ANXA4: variants seen among roughly 807,000 people sequenced by gnomAD.
ANXA4 encodes 35-beta calcimedin.
ANXA4 carries 39 observed loss-of-function variants against 49.8 expected under a neutral mutation model. That is an observed-to-expected ratio of 0.78 (90% CI 0.61 to 1.02). ANXA4 has a LOEUF of 1.02. Among genes scored for constraint, ANXA4 ranks in the 50% least tolerant of loss-of-function variants. The pLI, the probability that ANXA4 is intolerant of heterozygous loss-of-function variation, is 0.00. For synonymous variants in ANXA4, 134 were observed against 152.5 expected (o/e 0.88, Z 0.89); for missense variants, 360 against 410.1 (o/e 0.88, Z 1.05).
intron 2 of ANXA4, among the ~76,000 whole-genome samples, chr2:69,696,355 T>G (rs540307235): frequency 6.6e-5 from 10 of 152,332 alleles, no homozygotes; most frequent in African/African-American, 2.4e-4. Context: ...AATCATGAGA[T>G]TGCAGCAATT....
chr2:69,770,370 C>T lies in ANXA4; in HGVS notation c.-46-11150C>T, dbSNP rs1440946996. ...AGTCACACCCTTTGCAATCTGCAGA[C>T]CAGTGGTTTAAATTTGTCATCCTTG... On this transcript the variant is annotated intron_variant, in intron 1 of 12. Transcript: ENST00000394295. Among the ~76,000 whole-genome samples, 7 of 152,142 alleles carry T rather than the reference C, an allele frequency of 4.6e-5. No homozygotes were observed. The East Asian group carries it at 1.3e-3, about 29-fold the overall frequency.
At chr2:69,804,190 C>G (rs1673339504) in intron 3 of ANXA4, among the ~76,000 whole-genome samples, 1 of 151,142 alleles carries the variant, frequency 6.6e-6, no homozygotes. Flanking sequence ...ATTACTCCAG[C>G]CAACATTTAT....
intron 1 of ANXA4, among the ~76,000 whole-genome samples, chr2:69,763,399 AAG>A (rs1232972097): frequency 2.6e-5 from 4 of 152,100 alleles, no homozygotes; most frequent in Admixed American, 6.6e-5. Context: ...TTCATCTGGA[AAG>A]AGAGGGCTTT....
chr2:69,716,971 G>C (rs1669656899), intron 2 of ANXA4, among the ~76,000 whole-genome samples: 1 of 152,168 alleles, frequency 6.6e-6, no homozygotes, highest in African/African-American at 2.4e-5. Flanking sequence ...TCCAGCCTCT[G>C]CTCCCTGGCA....
At chr2:69,730,733 G>C (rs1299759316) in intron 3 of ANXA4, among the ~76,000 whole-genome samples, 1 of 152,198 alleles carries the variant, frequency 6.6e-6, no homozygotes, top group Non-Finnish European at 1.5e-5. Flanking sequence ...AAATCTGTTT[G>C]GGTGTGTTTT....
At chr2:69,768,809 C>T (rs1420063782) in intron 1 of ANXA4, among the ~76,000 whole-genome samples, 1 of 152,178 alleles carries the variant, frequency 6.6e-6, no homozygotes, top group Non-Finnish European at 1.5e-5. Flanking sequence ...GGTGCAGTGG[C>T]TCATGCCTGT....
chr2:69,656,551 C>CTTTTT (rs34322550), intron 2 of ANXA4, among the ~76,000 whole-genome samples: 5 of 103,992 alleles, frequency 4.8e-5, no homozygotes, highest in Admixed American at 2.6e-4. Context: ...ACAGTAGTTC[C>CTTTTT]TTTTTTTTTT....
intron 2 of ANXA4, among the ~76,000 whole-genome samples, chr2:69,664,415 C>T (rs1676858967): frequency 6.6e-6 from 1 of 152,060 alleles, no homozygotes; most frequent in Non-Finnish European, 1.5e-5. Context: ...TAAGCTAACA[C>T]TATAGTTACA....
chr2:69,736,182 G>A (rs1443837820), intron 3 of ANXA4, among the ~76,000 whole-genome samples: 1 of 152,186 alleles, frequency 6.6e-6, no homozygotes, highest in Non-Finnish European at 1.5e-5. Context: ...GCCTACCTGG[G>A]TTCAAGGGGA....
intron 2 of ANXA4, among the ~76,000 whole-genome samples, chr2:69,658,419 C>G (rs928922869): frequency 6.7e-4 from 89 of 133,622 alleles, no homozygotes; most frequent in African/African-American, 2.4e-3. Context: ...AAAAAAAAAG[C>G]AAACAATAGA....
intron 6 of ANXA4, chr2:69,808,872 G>A (rs1442138407): frequency 6.6e-6 from 1 of 152,116 alleles, no homozygotes; most frequent in African/African-American, 2.4e-5. Flanking sequence ...ATGCTGCCCA[G>A]GCTGGTCTCA....
chr2:69,765,922 G>A (rs989361409), intron 1 of ANXA4, among the ~76,000 whole-genome samples: 4 of 152,178 alleles, frequency 2.6e-5, no homozygotes, highest in African/African-American at 7.2e-5. Context: ...CTATGGCTTC[G>A]GGGGCAGCCA....
chr2:69,785,790 C>T (rs1034284977), intron 2 of ANXA4, among the ~76,000 whole-genome samples: 1 of 152,112 alleles, frequency 6.6e-6, no homozygotes, highest in Non-Finnish European at 1.5e-5. Context: ...TTAGACCAAG[C>T]GCCAACTACT....
At chr2:69,785,996 T>C (rs1162697703) in intron 2 of ANXA4, among the ~76,000 whole-genome samples, 1 of 152,218 alleles carries the variant, frequency 6.6e-6, no homozygotes, top group African/African-American at 2.4e-5. Flanking sequence ...ACCCAAATGC[T>C]GATGCATCCC....
chr2:69,773,788 C>A (rs758624586), intron 1 of ANXA4, among the ~76,000 whole-genome samples: 1 of 151,644 alleles, frequency 6.6e-6, no homozygotes, highest in African/African-American at 2.4e-5. Flanking sequence ...TGCACCACCA[C>A]GCCTGGCTAA....
At chr2:69,670,087 G>T (rs925818157) in intron 2 of ANXA4, among the ~76,000 whole-genome samples, 5 of 152,142 alleles carry the variant, frequency 3.3e-5, no homozygotes, top group African/African-American at 1.2e-4. Context: ...GAAGCACAAA[G>T]TGAAAGTTTA....
At chr2:69,726,279 A>G (rs1669961256) in intron 3 of ANXA4, among the ~76,000 whole-genome samples, 2 of 152,160 alleles carry the variant, frequency 1.3e-5, no homozygotes, top group African/African-American at 4.8e-5. Context: ...CTTCTGCCAT[A>G]ATTGTAAGTT....
intron 3 of ANXA4, among the ~76,000 whole-genome samples, chr2:69,721,872 G>A (rs1238314832): frequency 6.6e-6 from 1 of 151,982 alleles, no homozygotes; most frequent in Non-Finnish European, 1.5e-5. Context: ...AATATTTTTT[G>A]TCAGAAATAA....
chr2:69,771,023 G>A (rs1671690168), intron 1 of ANXA4, among the ~76,000 whole-genome samples: 1 of 141,298 alleles, frequency 7.1e-6, no homozygotes, highest in Non-Finnish European at 1.5e-5. Flanking sequence ...GAGCTAAGTA[G>A]TTCGAGGCTG....
Sources: allele counts gnomAD v4.1 joint callset (sites outside exome capture counted in the v4.1 genomes callset), GRCh38; gene constraint gnomAD v4.1.1; transcripts MANE v1.5; gene names NCBI Gene and HGNC (gene_info 2026-07-23, HGNC 2026-07-21).